Variants in CNTN4 observed in about 807,000 individuals in gnomAD.
CNTN4 encodes contactin 4, also known as contactin-4.
CNTN4 carries 77 observed loss-of-function variants against 122.5 expected under a neutral mutation model. The ratio of observed to expected loss-of-function variants is 0.63; its 90% CI spans 0.52 to 0.76. The LOEUF (loss-of-function observed/expected upper bound fraction) is 0.76. Ranked by LOEUF, CNTN4 falls within the 30% of genes least tolerant of loss-of-function variation. The pLI, the probability that CNTN4 is intolerant of heterozygous loss-of-function variation, is 0.00. For synonymous variants in CNTN4, 512 were observed against 447.0 expected (o/e 1.15, Z -1.83); for missense variants, 1,256 against 1,259.1 (o/e 1.00, Z 0.04).
chr3:2,882,806 A>C (rs1329404225), intron 8 of CNTN4: 1 of 282,016 alleles, frequency 3.5e-6, no homozygotes, highest in Non-Finnish European at 6.9e-6. Flanking sequence ...GTATACTTCC[A>C]AAGAGATAAT....
chr3:2,340,504 A>AC lies in CNTN4; in HGVS notation c.-89+1274dup, dbSNP rs748197848. On this transcript the variant is annotated intron_variant, in intron 3 of 24. Coordinates refer to ENST00000418658, the MANE Select transcript of CNTN4 (RefSeq NM_175607.3). ...AATAATAATCCTGGACATCAGTGAGACCCTGTCTCTATGAAAAACAGGAAA... is the reference window on the plus strand; with the variant it reads ...AATAATAATCCTGGACATCAGTGAGACCCCTGTCTCTATGAAAAACAGGAAA... 1.3e-4 allele frequency among the ~76,000 whole-genome samples: 20 copies of AC among 150,922 alleles called. No homozygotes were observed. The South Asian group carries it at 2.5e-3, about 19-fold the overall frequency.
At chr3:2,799,982 C>T (rs2092307508) in intron 6 of CNTN4, among the ~76,000 whole-genome samples, 1 of 151,452 alleles carries the variant, frequency 6.6e-6, no homozygotes, top group Admixed American at 6.6e-5. Flanking sequence ...ATTCTAGTCT[C>T]TTGATCTATG....
At chr3:2,438,813 T>G (rs1035245352) in intron 3 of CNTN4, among the ~76,000 whole-genome samples, 1 of 152,192 alleles carries the variant, frequency 6.6e-6, no homozygotes, top group African/African-American at 2.4e-5. Context: ...GCAATGAGTT[T>G]TAAACAGGAT....
At chr3:2,765,308 TAACG>T (rs934884145) in intron 6 of CNTN4, among the ~76,000 whole-genome samples, 3 of 152,322 alleles carry the variant, frequency 2.0e-5, no homozygotes, top group Admixed American at 2.0e-4. Context: ...TTGAAGATGC[TAACG>T]AAGTCAGGAA....
intron 6 of CNTN4, among the ~76,000 whole-genome samples, chr3:2,815,616 C>A (rs920391888): frequency 7.3e-5 from 11 of 151,440 alleles, no homozygotes; most frequent in Admixed American, 1.3e-4. Context: ...AAACAGGGAA[C>A]ACTTCTACAC....
chr3:2,783,719 C>T (rs2091698903), intron 6 of CNTN4, among the ~76,000 whole-genome samples: 1 of 152,176 alleles, frequency 6.6e-6, no homozygotes, highest in African/African-American at 2.4e-5. Context: ...TATAAAACAG[C>T]ATTTGAACTC....
At chr3:2,613,105 A>G (rs1456046788) in intron 4 of CNTN4, among the ~76,000 whole-genome samples, 8 of 152,146 alleles carry the variant, frequency 5.3e-5, no homozygotes, top group Non-Finnish European at 2.9e-5. Flanking sequence ...TTTTCATTTT[A>G]TCATTAATTT....
At chr3:2,259,315 T>C (rs1392948076) in intron 2 of CNTN4, among the ~76,000 whole-genome samples, 1 of 152,186 alleles carries the variant, frequency 6.6e-6, no homozygotes, top group African/African-American at 2.4e-5. Flanking sequence ...TTTTGGACAA[T>C]GACTGATGTT....
At chr3:2,680,689 A>G (rs2085118114) in intron 4 of CNTN4, among the ~76,000 whole-genome samples, 1 of 152,208 alleles carries the variant, frequency 6.6e-6, no homozygotes, top group Non-Finnish European at 1.5e-5. Context: ...CTATGCATCC[A>G]TTAAAAATTA....
intron 4 of CNTN4, among the ~76,000 whole-genome samples, chr3:2,728,006 C>G (rs1219443396): frequency 6.6e-6 from 1 of 152,198 alleles, no homozygotes; most frequent in Non-Finnish European, 1.5e-5. Context: ...AATACTTATT[C>G]AATAGAAACG....
intron 13 of CNTN4, among the ~76,000 whole-genome samples, chr3:2,987,663 G>A (rs1363143195): frequency 6.6e-6 from 1 of 152,166 alleles, no homozygotes; most frequent in African/African-American, 2.4e-5. Flanking sequence ...TGAAAACAGA[G>A]TTCTTCAAAA....
At chr3:2,785,949 G>A (rs1222988062) in intron 6 of CNTN4, among the ~76,000 whole-genome samples, 2 of 114,064 alleles carry the variant, frequency 1.8e-5, no homozygotes, top group Non-Finnish European at 3.4e-5. Flanking sequence ...CCCACTGGCA[G>A]AGCAGAGAGG....
chr3:2,831,660 G>A (rs1001507369), intron 7 of CNTN4, among the ~76,000 whole-genome samples: 4 of 152,172 alleles, frequency 2.6e-5, no homozygotes, highest in African/African-American at 9.7e-5. Context: ...CCCCTGGAAA[G>A]GAGTTGTGTC....
At position 2,773,130 on chromosome 3, in the gene CNTN4, G is replaced by T. The variant is rs1049282970; in HGVS notation, c.358+27433G>T. Among the ~76,000 whole-genome samples the T allele has an allele frequency of 2.0e-5, 3 of 152,060 alleles. No individual in the cohort carries two copies. The South Asian group carries it at 6.2e-4, about 32-fold the overall frequency. On this transcript the variant is annotated intron_variant, in intron 6 of 24. Coordinates refer to ENST00000418658, the MANE Select transcript of CNTN4 (RefSeq NM_175607.3). ...TAAGCTTTAGTTAATCTTTTGGTGG[G>T]GGGGGTTGCAGAGTAAATGGGAAGT...
intron 4 of CNTN4, among the ~76,000 whole-genome samples, chr3:2,621,316 C>T (rs74874979): frequency 0.029 from 4,350 of 152,260 alleles, 96 homozygotes; most frequent in Non-Finnish European, 0.039. Flanking sequence ...TTATTCTAAT[C>T]GTCAGATGTG....
At chr3:2,166,430 C>A (rs1242889979) in intron 2 of CNTN4, among the ~76,000 whole-genome samples, 1 of 152,016 alleles carries the variant, frequency 6.6e-6, no homozygotes, top group Non-Finnish European at 1.5e-5. Flanking sequence ...AGAGTGTAAA[C>A]CTGAGATAGG....
intron 4 of CNTN4, among the ~76,000 whole-genome samples, chr3:2,721,249 G>A (rs1018002146): frequency 6.6e-6 from 1 of 152,172 alleles, no homozygotes; most frequent in Non-Finnish European, 1.5e-5. Flanking sequence ...TGGGATTACA[G>A]ACGTGAGCCA....
At chr3:2,945,690 C>G (rs79042919) in intron 13 of CNTN4, among the ~76,000 whole-genome samples, 1 of 152,120 alleles carries the variant, frequency 6.6e-6, no homozygotes, top group Non-Finnish European at 1.5e-5. Context: ...ATAAAACCAC[C>G]TCTTCGCCTA....
chr3:2,464,136 A>G lies in CNTN4; in HGVS notation c.-88-107280A>G, dbSNP rs371151569. On this transcript the variant is annotated intron_variant, in intron 3 of 24. Transcript: ENST00000418658. ...ATATGGAATGGCTTATGACAACTTC[A>G]TTTGTCCTCTGCTCTATCTATCCTA... Among the ~76,000 whole-genome samples, 7 of 152,294 alleles carry G rather than the reference A, an allele frequency of 4.6e-5. No individual in the cohort carries two copies. In the South Asian group the frequency reaches 8.3e-4, roughly 18 times the overall value.
Sources: gnomAD v4.1 joint callset for allele counts (sites outside exome capture counted in the v4.1 genomes callset) on GRCh38, gnomAD v4.1.1 for gene constraint, MANE v1.5 for transcripts, NCBI Gene and HGNC (gene_info 2026-07-23, HGNC 2026-07-21) for gene names.